Variants in DNAJC1 observed in about 807,000 individuals in gnomAD.
DNAJC1 encodes DnaJ heat shock protein family (Hsp40) member C1.
DNAJC1 carries 58 observed loss-of-function variants against 76.6 expected under a neutral mutation model. The observed-to-expected ratio is 0.76, with a 90% CI of 0.61 to 0.94. The LOEUF (loss-of-function observed/expected upper bound fraction) is 0.94, where lower values mean the gene tolerates loss of function less well. DNAJC1 is among the 40% of genes least tolerant of loss of function. The pLI, the probability that DNAJC1 is intolerant of heterozygous loss-of-function variation, is 0.00. For missense variants in DNAJC1, 689 were observed against 677.3 expected (o/e 1.02, Z -0.19); for synonymous variants, 258 against 267.9 (o/e 0.96, Z 0.36).
At chr10:21,902,236 C>A (rs1409380908) in intron 7 of DNAJC1, among the ~76,000 whole-genome samples, 1 of 152,154 alleles carries the variant, frequency 6.6e-6, no homozygotes, top group African/African-American at 2.4e-5. Flanking sequence ...AAATGTTTTA[C>A]AAGACTGTTA....
At chr10:21,822,040 C>T (rs904327987) in intron 8 of DNAJC1, among the ~76,000 whole-genome samples, 6 of 152,016 alleles carry the variant, frequency 3.9e-5, no homozygotes, top group Admixed American at 3.3e-4. Flanking sequence ...GTATAGTAAC[C>T]GAAATCATAT....
chr10:21,959,859 G>A (rs1837758219), intron 1 of DNAJC1, among the ~76,000 whole-genome samples: 1 of 149,652 alleles, frequency 6.7e-6, no homozygotes, highest in Non-Finnish European at 1.5e-5. Flanking sequence ...AATCTGTAAT[G>A]TTATCTCCAA....
At chr10:21,848,556 C>T (rs978748909) in intron 8 of DNAJC1, among the ~76,000 whole-genome samples, 1 of 152,188 alleles carries the variant, frequency 6.6e-6, no homozygotes, top group Non-Finnish European at 1.5e-5. Context: ...TATAACCCCA[C>T]TTTCAATATG....
intron 7 of DNAJC1, among the ~76,000 whole-genome samples, chr10:21,892,425 G>C (rs1279707856): frequency 6.7e-6 from 1 of 149,860 alleles, no homozygotes; most frequent in Non-Finnish European, 1.5e-5. Context: ...TTATAACAGA[G>C]AAATTCTATC....
rs191455803 is a variant in DNAJC1, at chr10:21,882,298, C to T, written c.962G>A (p.Arg321Gln). Residue 321 changes from arginine to glutamine, a missense_variant, in exon 8 of 12, where the codon CGA (arginine) becomes CAA (glutamine). Arg to Gln is a conservative substitution (Grantham distance 43). Transcript: ENST00000376980. The part of the protein sequence containing the change: ...QMDDWLENRN[R>Q]TQKKQAPEWT... ...CTTATTTACCTGTTTTTTCTGTGTT[C>T]GGTTCCTGTTTTCCAACCAATCATC... 116 of 1,593,098 alleles carry T rather than the reference C, an allele frequency of 7.3e-5. No homozygotes were observed. In the African/African-American group the frequency reaches 8.7e-4, roughly 12 times the overall value.
intron 1 of DNAJC1, 77 bp from the exon 2 acceptor site, chr10:21,929,218 C>G: frequency 9.7e-7 from 1 of 1,026,276 alleles, no homozygotes; most frequent in South Asian, 1.4e-5. Context: ...TTGTTAAGAT[C>G]TGAGAAGACA....
At chr10:21,867,522 C>G (rs901543832) in intron 8 of DNAJC1, among the ~76,000 whole-genome samples, 7 of 151,968 alleles carry the variant, frequency 4.6e-5, no homozygotes, top group African/African-American at 1.5e-4. Context: ...ACAAGGTGAT[C>G]GCGGGAGAAT....
At chr10:21,937,213 G>A (rs892055232) in intron 1 of DNAJC1, among the ~76,000 whole-genome samples, 1 of 151,958 alleles carries the variant, frequency 6.6e-6, no homozygotes, top group Non-Finnish European at 1.5e-5. Context: ...TACTGTACAT[G>A]GTGTCTATAA....
chr10:21,926,895 G>A (rs1837136710), intron 3 of DNAJC1, among the ~76,000 whole-genome samples: 3 of 152,150 alleles, frequency 2.0e-5, no homozygotes. Context: ...ATTTATATAT[G>A]AGAAGTGATT....
At chr10:21,836,045 T>C (rs1394843152) in intron 8 of DNAJC1, among the ~76,000 whole-genome samples, 1 of 151,884 alleles carries the variant, frequency 6.6e-6, no homozygotes, top group Non-Finnish European at 1.5e-5. Flanking sequence ...AAAGTTGAAA[T>C]GAAGGAAAAA....
At chr10:21,858,426 A>G (rs1422730989) in intron 8 of DNAJC1, among the ~76,000 whole-genome samples, 1 of 152,240 alleles carries the variant, frequency 6.6e-6, no homozygotes, top group East Asian at 1.9e-4. Context: ...ATTTACTTTA[A>G]AAGACCTTTC....
chr10:21,894,586 A>C (rs1315120748), intron 7 of DNAJC1, among the ~76,000 whole-genome samples: 1 of 152,226 alleles, frequency 6.6e-6, no homozygotes, highest in East Asian at 1.9e-4. Flanking sequence ...AAGAAAAAGA[A>C]AACAGAAGAG....
chr10:21,902,732 T>G (rs992022456), intron 7 of DNAJC1, among the ~76,000 whole-genome samples: 1 of 152,168 alleles, frequency 6.6e-6, no homozygotes, highest in Non-Finnish European at 1.5e-5. Flanking sequence ...CACTTCATGT[T>G]TAACCTAATT....
intron 8 of DNAJC1, among the ~76,000 whole-genome samples, chr10:21,824,593 T>C (rs1305865556): frequency 6.6e-6 from 1 of 152,190 alleles, no homozygotes; most frequent in Non-Finnish European, 1.5e-5. Context: ...TGGAGAGAGA[T>C]GGACGGTGAT....
chr10:21,900,865 C>T (rs991242201), intron 7 of DNAJC1, among the ~76,000 whole-genome samples: 3 of 152,184 alleles, frequency 2.0e-5, no homozygotes, highest in African/African-American at 7.2e-5. Flanking sequence ...ACCTAAACTG[C>T]GGCTGCTCTT....
intron 9 of DNAJC1, among the ~76,000 whole-genome samples, chr10:21,778,318 G>C (rs541253690): frequency 6.6e-5 from 10 of 152,236 alleles, no homozygotes; most frequent in South Asian, 2.1e-4. Context: ...TTTAAATACT[G>C]TTTTCTTCCC....
chr10:21,939,862 T>C lies in DNAJC1; in HGVS notation c.223-10721A>G, dbSNP rs73594519. 2.0e-3 allele frequency among the ~76,000 whole-genome samples: 308 copies of C among 151,176 alleles called. 1 individual carries two copies. Among genetic ancestry groups the C allele is most frequent in the African/African-American group, 7.0e-3 (290 of 41,190 alleles). ...AAAGCTCAAGCTAAACTCTTACTAA[T>C]GACTTTGCCCTCTTTACTCTGACCT... On this transcript the variant is annotated intron_variant, in intron 1 of 11. Coordinates refer to ENST00000376980, the MANE Select transcript of DNAJC1 (RefSeq NM_022365.4).
At chr10:21,836,721 G>A (rs1024831756) in intron 8 of DNAJC1, among the ~76,000 whole-genome samples, 2 of 152,096 alleles carry the variant, frequency 1.3e-5, no homozygotes, top group Non-Finnish European at 2.9e-5. Context: ...AAGATCAAAA[G>A]AGACAAAGAA....
intron 1 of DNAJC1, among the ~76,000 whole-genome samples, chr10:21,953,609 G>C (rs770254749): frequency 2.0e-5 from 3 of 151,464 alleles, no homozygotes; most frequent in Non-Finnish European, 4.4e-5. Flanking sequence ...CCCTTAGAAA[G>C]TACTGAAGCT....
Sources: gnomAD v4.1 joint callset for allele counts (sites outside exome capture counted in the v4.1 genomes callset) on GRCh38, gnomAD v4.1.1 for gene constraint, MANE v1.5 for transcripts, NCBI Gene and HGNC (gene_info 2026-07-23, HGNC 2026-07-21) for gene names.